Variants in IL1RAPL1 observed in about 807,000 individuals in gnomAD.
The protein encoded by IL1RAPL1 is interleukin 1 receptor accessory protein like 1.
IL1RAPL1 carries 3 observed loss-of-function variants against 48.4 expected under a neutral mutation model. The observed-to-expected ratio is 0.06, with a 90% CI of 0.03 to 0.16. The LOEUF (loss-of-function observed/expected upper bound fraction) is 0.16. Ranked by LOEUF, IL1RAPL1 falls within the 10% of genes least tolerant of loss-of-function variation. The pLI, the probability that IL1RAPL1 is intolerant of heterozygous loss-of-function variation, is 1.00. For missense variants in IL1RAPL1, 349 were observed against 530.6 expected, an observed-to-expected ratio of 0.66 and a Z score of 3.36; for synonymous variants, 185 against 187.7, an observed-to-expected ratio of 0.99 and a Z score of 0.12.
At chrX:28,726,144 C>A (rs1488329510) in intron 1 of IL1RAPL1, among the ~76,000 whole-genome samples, 1 of 111,638 alleles carries the variant, frequency 9.0e-6, no homozygotes, top group South Asian at 3.7e-4. Context: ...CTTAAAAAGA[C>A]AGTTTTGATG....
chrX:29,354,931 CAA>C (rs1210545843), intron 3 of IL1RAPL1, among the ~76,000 whole-genome samples: 1 of 111,914 alleles, frequency 8.9e-6, no homozygotes, highest in African/African-American at 3.2e-5. Context: ...GAGTAAATCT[CAA>C]AGAGGTGGCT....
At chrX:28,819,167 A>G (rs896379707) in intron 2 of IL1RAPL1, among the ~76,000 whole-genome samples, 1 of 111,029 alleles carries the variant, frequency 9.0e-6, no homozygotes, top group Admixed American at 9.7e-5. Context: ...ATATTATACT[A>G]TAAAAATAAT....
intron 6 of IL1RAPL1, among the ~76,000 whole-genome samples, chrX:29,766,101 TG>T (rs1398176875): frequency 1.9e-5 from 2 of 107,600 alleles, no homozygotes; most frequent in Non-Finnish European, 3.8e-5. Context: ...GAGGCCGAGG[TG>T]GACGGATCAT....
chrX:29,298,410 T>C (rs1932480379), intron 3 of IL1RAPL1, among the ~76,000 whole-genome samples: 2 of 111,917 alleles, frequency 1.8e-5, no homozygotes, highest in African/African-American at 6.5e-5. Context: ...ATCTGACTAC[T>C]TCTGAGGTTG....
At position 28,604,343 on chromosome X, in the gene IL1RAPL1, C is replaced by T. The variant is rs1251656192; in HGVS notation, c.-25+16296C>T. On this transcript the variant is annotated intron_variant, in intron 1 of 10. Coordinates refer to ENST00000378993, the MANE Select transcript of IL1RAPL1 (RefSeq NM_014271.4). ...CTTTGACATTTACTAGCTGTGTAAC[C>T]TTGGATAGGTTACTTATGTTTCAGA... Among the ~76,000 whole-genome samples the T allele has an allele frequency of 2.1e-4, 23 of 111,548 alleles. No homozygotes were observed. The Admixed American group carries it at 2.2e-3, about 11-fold the overall frequency.
intron 2 of IL1RAPL1, among the ~76,000 whole-genome samples, chrX:29,205,946 G>C (rs921284278): frequency 9.3e-6 from 1 of 107,722 alleles, no homozygotes; most frequent in African/African-American, 3.4e-5. Context: ...TCACCATCTT[G>C]GCCAGGCTGG....
At chrX:28,636,662 C>T (rs1934468838) in intron 1 of IL1RAPL1, among the ~76,000 whole-genome samples, 1 of 111,392 alleles carries the variant, frequency 9.0e-6, no homozygotes, top group Admixed American at 9.6e-5. Context: ...TGTAATTGGG[C>T]TGATATACCT....
chrX:28,652,844 C>T (rs2146904705), intron 1 of IL1RAPL1, among the ~76,000 whole-genome samples: 1 of 108,294 alleles, frequency 9.2e-6, no homozygotes, highest in East Asian at 2.9e-4. Context: ...TATATCAACT[C>T]AGGACCCTAG....
chrX:29,492,132 T>A (rs906198810), intron 5 of IL1RAPL1, among the ~76,000 whole-genome samples: 13 of 112,199 alleles, frequency 1.2e-4, no homozygotes, highest in Non-Finnish European at 5.6e-5. Context: ...CAGTATTAAA[T>A]AAAACTATCA....
intron 2 of IL1RAPL1, among the ~76,000 whole-genome samples, chrX:28,894,813 A>G (rs1922866555): frequency 9.0e-6 from 1 of 111,329 alleles, no homozygotes; most frequent in Admixed American, 9.6e-5. Flanking sequence ...CGCACTAACC[A>G]TGCCTAGGAA....
chrX:29,541,836 C>T (rs1406765711), intron 5 of IL1RAPL1, among the ~76,000 whole-genome samples: 1 of 110,552 alleles, frequency 9.0e-6, no homozygotes, highest in East Asian at 2.8e-4. Flanking sequence ...TGCTCAGTAC[C>T]TGTGTGAGAG....
intron 1 of IL1RAPL1, among the ~76,000 whole-genome samples, chrX:28,699,733 A>C (rs1393423753): frequency 8.9e-6 from 1 of 112,064 alleles, no homozygotes; most frequent in Non-Finnish European, 1.9e-5. Context: ...TCTACTGTTA[A>C]TGGACCATAT....
intron 5 of IL1RAPL1, among the ~76,000 whole-genome samples, chrX:29,658,983 G>A (rs1324364692): frequency 8.9e-6 from 1 of 111,744 alleles, no homozygotes; most frequent in Admixed American, 9.5e-5. Context: ...CAAAGCAATT[G>A]ACACATTCAT....
intron 5 of IL1RAPL1, among the ~76,000 whole-genome samples, chrX:29,420,250 C>G (rs1008419876): frequency 2.1e-4 from 23 of 112,133 alleles, no homozygotes; most frequent in Non-Finnish European, 2.8e-4. Context: ...AAGCCTTACC[C>G]TAAATAGCAG....
At chrX:28,929,976 C>T (rs759064159) in intron 2 of IL1RAPL1, among the ~76,000 whole-genome samples, 19 of 112,159 alleles carry the variant, frequency 1.7e-4, no homozygotes, top group Non-Finnish European at 3.2e-4. Context: ...AGAGTGTTAA[C>T]TTGTATTCTT....
intron 2 of IL1RAPL1, among the ~76,000 whole-genome samples, chrX:29,053,115 G>A (rs1415839556): frequency 1.8e-5 from 2 of 111,112 alleles, no homozygotes; most frequent in Admixed American, 1.9e-4. Context: ...ACTTATAAGT[G>A]AGAACATGTG....
rs753334511 is a variant in IL1RAPL1 at position 29,760,588 on chromosome X, A to G, written c.778+92084A>G. On this transcript the variant is annotated intron_variant, in intron 6 of 10. Coordinates refer to ENST00000378993, the MANE Select transcript of IL1RAPL1 (RefSeq NM_014271.4). ...CTAGCAAATCGGAATACCTGTGGGT[A>G]TGTCCTGGAATCTACATTTTTAAAC... 1.5e-4 allele frequency among the ~76,000 whole-genome samples: 17 copies of G among 111,711 alleles called. No homozygotes were observed. The East Asian group carries it at 4.8e-3, about 32-fold the overall frequency.
intron 6 of IL1RAPL1, among the ~76,000 whole-genome samples, chrX:29,763,627 A>G (rs777697354): frequency 9.0e-6 from 1 of 111,259 alleles, no homozygotes; most frequent in South Asian, 3.8e-4. Flanking sequence ...TAATGTTATT[A>G]TTAGTATTAA....
At chrX:29,751,661 T>G (rs1928464590) in intron 6 of IL1RAPL1, among the ~76,000 whole-genome samples, 1 of 111,345 alleles carries the variant, frequency 9.0e-6, no homozygotes, top group Non-Finnish European at 1.9e-5. Context: ...CTGGGTGTGG[T>G]GGCCCAAACC....
Sources: gnomAD v4.1 joint callset for allele counts (sites outside exome capture counted in the v4.1 genomes callset) on GRCh38, gnomAD v4.1.1 for gene constraint, MANE v1.5 for transcripts, NCBI Gene and HGNC (gene_info 2026-07-23, HGNC 2026-07-21) for gene names.